The following EGFLAM variants were observed in gnomAD, a reference collection of about 807,000 sequenced individuals.
EGFLAM encodes the protein EGF like, fibronectin type III and laminin G domains.
Under a neutral mutation model 113.1 loss-of-function variants are expected in EGFLAM, and 79 were observed. The observed-to-expected ratio is 0.70, with a 90% CI of 0.58 to 0.84. The LOEUF (loss-of-function observed/expected upper bound fraction) is 0.84, where lower values mean the gene tolerates loss of function less well. EGFLAM is among the 40% of genes least tolerant of loss of function. The pLI is 0.00. For missense variants in EGFLAM, 1,265 were observed against 1,291.6 expected (o/e 0.98, Z 0.32); for synonymous variants, 504 against 487.6 (o/e 1.03, Z -0.44).
intron 17 of EGFLAM, 40 bp downstream of exon 17, chr5:38,438,495 T>C (rs1466476971): frequency 2.0e-6 from 3 of 1,506,514 alleles, no homozygotes; most frequent in Non-Finnish European, 2.7e-6. Context: ...CTGGAGGGAG[T>C]GGAAGGAACG....
At chr5:38,291,650 G>A (rs1003533340) in intron 1 of EGFLAM, among the ~76,000 whole-genome samples, 1 of 152,224 alleles carries the variant, frequency 6.6e-6, no homozygotes, top group Non-Finnish European at 1.5e-5. Flanking sequence ...CAAAGAGAAT[G>A]CAATTAACCT....
intron 1 of EGFLAM, among the ~76,000 whole-genome samples, chr5:38,276,716 A>G (rs1415195446): frequency 1.3e-5 from 2 of 152,132 alleles, no homozygotes; most frequent in Non-Finnish European, 2.9e-5. Context: ...AATAAATAAA[A>G]ATCAGGATGA....
intron 11 of EGFLAM, among the ~76,000 whole-genome samples, chr5:38,417,341 C>A: frequency 1.1e-5 from 1 of 90,982 alleles, no homozygotes. Flanking sequence ...GAGCGAGACT[C>A]TGTCTCAAAA....
intron 2 of EGFLAM, 79 bp from the exon 3 acceptor site, chr5:38,338,619 C>A: frequency 7.5e-7 from 1 of 1,338,820 alleles, no homozygotes; most frequent in South Asian, 1.2e-5. Flanking sequence ...AGCCTGCTGC[C>A]ACTGTGAGTG....
intron 1 of EGFLAM, among the ~76,000 whole-genome samples, chr5:38,263,171 T>C (rs1409965852): frequency 6.6e-6 from 1 of 152,232 alleles, no homozygotes; most frequent in Non-Finnish European, 1.5e-5. Flanking sequence ...TTTTAAAACT[T>C]GGGATGTTTG....
intron 11 of EGFLAM, among the ~76,000 whole-genome samples, chr5:38,415,983 G>A (rs987100247): frequency 1.3e-5 from 2 of 151,920 alleles, no homozygotes; most frequent in African/African-American, 4.8e-5. Flanking sequence ...TCCCTCCCAC[G>A]ACCCGTGGGG....
At chr5:38,374,601 G>A (rs772250671) in intron 6 of EGFLAM, among the ~76,000 whole-genome samples, 9 of 152,150 alleles carry the variant, frequency 5.9e-5, no homozygotes, top group Non-Finnish European at 1.2e-4. Context: ...TTATCCCCAG[G>A]AGCAATTTGG....
At chr5:38,358,720 GC>G (rs1482418015) in intron 5 of EGFLAM, among the ~76,000 whole-genome samples, 1 of 152,078 alleles carries the variant, frequency 6.6e-6, no homozygotes, top group South Asian at 2.1e-4. Context: ...CAGAATAAAA[GC>G]TTTTAGGTGG....
chr5:38,396,189 T>C (rs1290090237), intron 6 of EGFLAM, among the ~76,000 whole-genome samples: 2 of 152,138 alleles, frequency 1.3e-5, no homozygotes, highest in Non-Finnish European at 2.9e-5. Context: ...TCACATGCCA[T>C]TAAATTTCTT....
chr5:38,442,582 G>A (rs1054357740), intron 17 of EGFLAM, among the ~76,000 whole-genome samples: 1 of 152,034 alleles, frequency 6.6e-6, no homozygotes, highest in Non-Finnish European at 1.5e-5. Context: ...GAATTAAAGA[G>A]TGAAACATGC....
Position 38,407,158 on chromosome 5 carries a change from G to A in EGFLAM, c.1147+12G>A. ...GAGCTGCTCAGAAGGTAGGCCCTTG[G>A]GGGAGAGGAAGAAGTGGTGATGAAT... On this transcript the variant is annotated intron_variant, in intron 8 of 21. Coordinates refer to ENST00000322350, the MANE Select transcript of EGFLAM (RefSeq NM_152403.4). The A allele has an allele frequency of 6.3e-7, 1 of 1,578,888 alleles. No individual in the cohort carries two copies. The highest frequency in any genetic ancestry group is 8.5e-7 in the Non-Finnish European group (1 of 1,172,982).
intron 6 of EGFLAM, among the ~76,000 whole-genome samples, chr5:38,388,614 G>A (rs1052445615): frequency 1.3e-5 from 2 of 151,528 alleles, no homozygotes; most frequent in African/African-American, 4.9e-5. Context: ...ATATAAATTA[G>A]CCCGGCATGG....
chr5:38,275,476 G>T (rs1405128778), intron 1 of EGFLAM, among the ~76,000 whole-genome samples: 1 of 152,080 alleles, frequency 6.6e-6, no homozygotes, highest in Non-Finnish European at 1.5e-5. Flanking sequence ...AGACAAAAAA[G>T]GTCGGTATAT....
rs1440159337 is a variant in EGFLAM at position 38,464,625 on chromosome 5, C to G, written c.*639C>G. 2.6e-5 allele frequency: 4 copies of G among 152,304 alleles called. No individual in the cohort carries two copies. Among genetic ancestry groups the G allele is most frequent in the Non-Finnish European group, 5.9e-5 (4 of 68,114 alleles). 9.4% of individuals were successfully genotyped at this position (152,304 alleles called of 1,614,324 possible). On this transcript the variant is annotated 3_prime_UTR_variant, in exon 22 of 22. Coordinates refer to ENST00000322350, the MANE Select transcript of EGFLAM (RefSeq NM_152403.4). ...TGTGAAATCCCTACTTCTTATAATG[C>G]AGAGTTAAGGAGCTGAGCCCCCATG...
At chr5:38,349,469 G>C (rs1739557931) in intron 3 of EGFLAM, among the ~76,000 whole-genome samples, 1 of 152,162 alleles carries the variant, frequency 6.6e-6, no homozygotes. Flanking sequence ...AATCATGCAA[G>C]ATGGTTATAT....
rs1296852897 is a variant in EGFLAM, at chr5:38,352,338, C to T, written c.545+7C>T. The T allele has an allele frequency of 6.2e-7, 1 of 1,613,712 alleles. No homozygotes were observed. Among genetic ancestry groups the T allele is most frequent in the East Asian group, 2.2e-5 (1 of 44,850 alleles). On this transcript the variant is annotated splice_region_variant and intron_variant, in intron 5 of 21. Coordinates refer to ENST00000322350, the MANE Select transcript of EGFLAM (RefSeq NM_152403.4). The stretch of plus-strand genomic sequence containing the variant: ...ATTCTGTGGAATTCATCAGGTAAGT[C>T]TGTATGTCACATTCAAAAGCCAAAT...
intron 19 of EGFLAM, among the ~76,000 whole-genome samples, chr5:38,453,115 C>T (rs1406606083): frequency 6.6e-6 from 1 of 152,200 alleles, no homozygotes; most frequent in African/African-American, 2.4e-5. Context: ...AGGCCCCAAC[C>T]TGATCTACTG....
Position 38,350,399 on chromosome 5 carries a change from C to A in EGFLAM, c.292-102C>A, listed in dbSNP as rs1050278753. Reference sequence around the variant, plus strand: ...AAAGCAAAACATTCTCTGTGCCAAGCAGTTTCACAGGGGCCTCGAGATATA... The same window carrying A: ...AAAGCAAAACATTCTCTGTGCCAAGAAGTTTCACAGGGGCCTCGAGATATA... On this transcript the variant is annotated intron_variant, in intron 3 of 21. Transcript: ENST00000322350. The A allele has an allele frequency of 1.4e-5, 15 of 1,092,614 alleles. No homozygotes were observed. In the African/African-American group the frequency reaches 2.3e-4, roughly 17 times the overall value. The allele number at this position is 1,092,614 out of a possible 1,614,324, so 67.7% of individuals were successfully genotyped here.
chr5:38,306,880 T>TG (rs1211592833), intron 1 of EGFLAM, among the ~76,000 whole-genome samples: 2 of 152,162 alleles, frequency 1.3e-5, no homozygotes, highest in Admixed American at 1.3e-4. Flanking sequence ...AATTATACTG[T>TG]GGGGAAGCTC....
Sources: gnomAD v4.1 joint callset for allele counts (sites outside exome capture counted in the v4.1 genomes callset) on GRCh38, gnomAD v4.1.1 for gene constraint, MANE v1.5 for transcripts, NCBI Gene and HGNC (gene_info 2026-07-23, HGNC 2026-07-21) for gene names.